The following ARID2 variants were observed in gnomAD, a reference collection of about 807,000 sequenced individuals.
The protein encoded by ARID2 is AT-rich interactive domain-containing protein 2.
ARID2 carries 32 observed loss-of-function variants against 184.6 expected under a neutral mutation model. The ratio of observed to expected loss-of-function variants is 0.17; its 90% confidence interval spans 0.13 to 0.23. The LOEUF (loss-of-function observed/expected upper bound fraction) is 0.23. Ranked by LOEUF, ARID2 falls within the 10% of genes least tolerant of loss-of-function variation. ARID2 has a pLI of 1.00. For synonymous variants in ARID2, 836 were observed against 772.6 expected (o/e 1.08, Z -1.36); for missense variants, 1,696 against 2,197.6 (o/e 0.77, Z 4.56).
chr12:45,761,507 T>C (rs886354737), intron 3 of ARID2, among the ~76,000 whole-genome samples: 8 of 152,176 alleles, frequency 5.3e-5, no homozygotes, highest in African/African-American at 1.9e-4. Flanking sequence ...CATGGATTTG[T>C]TTTTCTACCT....
chr12:45,837,392 A>G lies in ARID2; in HGVS notation c.1095A>G (p.Ser365=). ...MFHTVTKCLM[S]RDRFLKMRGM... ...ATACTGTTACAAAATGTCTAATGTC[A>G]AGGGATAGATTTTTAAAGATGAGAG... Residue 365 remains serine, a synonymous_variant, in exon 9 of 21, where the codon TCA becomes TCG. Coordinates refer to ENST00000334344, the MANE Select transcript of ARID2 (RefSeq NM_152641.4). The G allele has an allele frequency of 4.3e-6, 7 of 1,612,318 alleles. 1 individual carries two copies. The South Asian group carries it at 7.7e-5, about 18-fold the overall frequency.
At chr12:45,899,270 CAAAAAAAAAA>C (rs774912363) in intron 20 of ARID2, among the ~76,000 whole-genome samples, 95 of 46,326 alleles carry the variant, frequency 2.1e-3, no homozygotes, top group African/African-American at 0.01. Context: ...GACTCTGTCT[CAAAAAAAAAA>C]AAAAAAAAAA....
chr12:45,890,746 C>T (rs1441968895), intron 16 of ARID2, among the ~76,000 whole-genome samples: 1 of 151,508 alleles, frequency 6.6e-6, no homozygotes, highest in Non-Finnish European at 1.5e-5. Flanking sequence ...ATTAGTCATT[C>T]CTGAAGGAAT....
chr12:45,819,299 T>C (rs1362351988), intron 5 of ARID2, among the ~76,000 whole-genome samples: 1 of 152,186 alleles, frequency 6.6e-6, no homozygotes, highest in Non-Finnish European at 1.5e-5. Flanking sequence ...GCATTTTGTT[T>C]GTTTAAAAGA....
At position 45,907,778 on chromosome 12, in the gene ARID2, G is replaced by A. The variant is rs1221441274; in HGVS notation, c.*2700G>A. 8.6e-6 allele frequency: 2 copies of A among 232,424 alleles called. No homozygotes were observed. Among genetic ancestry groups the A allele is most frequent in the East Asian group, 6.1e-5 (1 of 16,346 alleles). The allele number at this position is 232,424 out of a possible 1,614,324, so 14.4% of individuals were successfully genotyped here. ...TTGAGAAATCTATGTAAATAATATA[G>A]TCTACAACATAGAGACTGTATAATT... On this transcript the variant is annotated 3_prime_UTR_variant, in exon 21 of 21. Transcript: ENST00000334344.
chr12:45,796,109 C>T (rs1942387475), intron 3 of ARID2, among the ~76,000 whole-genome samples: 1 of 152,032 alleles, frequency 6.6e-6, no homozygotes, highest in Admixed American at 6.5e-5. Context: ...TATATCTTAA[C>T]TAAGTTTTTC....
chr12:45,863,218 A>G (rs1943777754), intron 16 of ARID2, among the ~76,000 whole-genome samples: 1 of 152,232 alleles, frequency 6.6e-6, no homozygotes, highest in Non-Finnish European at 1.5e-5. Context: ...TAAACCTGTC[A>G]GAATGTTAAG....
rs2138161322 is a variant in ARID2, at chr12:45,850,372, G to A, written c.2249G>A (p.Gly750Glu). ...TCTGTTGTTCAGAATCATAGTACAG[G>A]GCCACAACCTGTTACAGTTGTGAAT... ...QSSVVQNHST[G>E]PQPVTVVNSQ... Residue 750 changes from glycine to glutamate, a missense_variant, in exon 15 of 21, where the codon GGG becomes GAG. By Grantham distance (98) the Gly-to-Glu change is moderately conservative. This residue lies in a region of ARID2 where 713 missense variants were observed against 824.4 expected (regional missense o/e 0.86). Coordinates refer to ENST00000334344, the MANE Select transcript of ARID2 (RefSeq NM_152641.4). 1.2e-6 allele frequency: 2 copies of A among 1,614,034 alleles called. No individual in the cohort carries two copies. Among genetic ancestry groups the A allele is most frequent in the Non-Finnish European group, 1.7e-6 (2 of 1,179,986 alleles).
chr12:45,819,190 A>G (rs1243058420), intron 5 of ARID2, among the ~76,000 whole-genome samples: 2 of 152,176 alleles, frequency 1.3e-5, no homozygotes, highest in Non-Finnish European at 2.9e-5. Flanking sequence ...TTACATGTAA[A>G]TAATTTAAGT....
intron 16 of ARID2, among the ~76,000 whole-genome samples, chr12:45,889,172 ACT>A (rs1357147657): frequency 6.6e-6 from 1 of 152,058 alleles, no homozygotes; most frequent in African/African-American, 2.4e-5. Context: ...ACAGAGTGAG[ACT>A]CTGTCTCAAA....
chr12:45,870,371 GCA>G (rs918068815), intron 16 of ARID2, among the ~76,000 whole-genome samples: 1 of 152,132 alleles, frequency 6.6e-6, no homozygotes, highest in African/African-American at 2.4e-5. Context: ...CGTCCTCCCT[GCA>G]CACAGTTTCC....
At chr12:45,733,747 A>G (rs1941050821) in intron 3 of ARID2, among the ~76,000 whole-genome samples, 1 of 152,196 alleles carries the variant, frequency 6.6e-6, no homozygotes, top group Admixed American at 6.5e-5. Context: ...GGCCATGTAT[A>G]TTTTAATAGT....
intron 3 of ARID2, among the ~76,000 whole-genome samples, chr12:45,800,875 G>A (rs1177933104): frequency 6.6e-6 from 1 of 152,126 alleles, no homozygotes; most frequent in Non-Finnish European, 1.5e-5. Context: ...GATAACTTGA[G>A]CATTTGACTG....
At chr12:45,849,098 G>T in intron 13 of ARID2, 128 bp downstream of exon 13, 1 of 1,039,044 alleles carries the variant, frequency 9.6e-7, no homozygotes. Flanking sequence ...CGTATGGATA[G>T]GTTATAGTGT....
rs1944543292 is a variant in ARID2, at chr12:45,907,441, T to TAAGA, written c.*2364_*2365insAGAA. On this transcript the variant is annotated 3_prime_UTR_variant, in exon 21 of 21. Transcript: ENST00000334344. ...CTCATTGAATTGCATGCTGTAGTTC[T>TAAGA]AGCTTTTCTGCTATAATATGTAAAT... The TAAGA allele has an allele frequency of 8.6e-6, 2 of 233,446 alleles. No individual in the cohort carries two copies. The highest frequency in any genetic ancestry group is 1.2e-4 in the East Asian group (2 of 16,494). 14.5% of individuals were successfully genotyped at this position (233,446 alleles called of 1,614,324 possible).
chr12:45,898,308 G>C (rs369017913), intron 20 of ARID2, among the ~76,000 whole-genome samples: 1 of 152,156 alleles, frequency 6.6e-6, no homozygotes, highest in Non-Finnish European at 1.5e-5. Context: ...CTGTTAAGTG[G>C]GTAGAGAGTT....
intron 3 of ARID2, among the ~76,000 whole-genome samples, chr12:45,802,605 T>G (rs1288288222): frequency 6.6e-6 from 1 of 152,178 alleles, no homozygotes; most frequent in East Asian, 1.9e-4. Flanking sequence ...CATCTAATGT[T>G]ATCACAGGAA....
intron 16 of ARID2, chr12:45,881,796 G>T: frequency 4.6e-6 from 1 of 216,864 alleles, no homozygotes; most frequent in African/African-American, 2.3e-5. Flanking sequence ...CCTGGACTGA[G>T]AAGGCTCTGG....
At chr12:45,786,726 T>C (rs1457948500) in intron 3 of ARID2, among the ~76,000 whole-genome samples, 1 of 152,176 alleles carries the variant, frequency 6.6e-6, no homozygotes, top group African/African-American at 2.4e-5. Context: ...AGCCAAGATA[T>C]GGAATTAACA....
Sources: allele counts gnomAD v4.1 joint callset (sites outside exome capture counted in the v4.1 genomes callset), GRCh38; gene constraint gnomAD v4.1.1; regional missense constraint gnomAD v4.1.1; transcripts MANE v1.5; gene names NCBI Gene and HGNC (gene_info 2026-07-23, HGNC 2026-07-21).